PIK3C2G: variants seen among roughly 807,000 people sequenced by gnomAD.
PIK3C2G encodes phosphatidylinositol 3-kinase C2 domain-containing subunit gamma.
Under a neutral mutation model 181.1 loss-of-function variants are expected in PIK3C2G, and 168 were observed. The observed-to-expected ratio is 0.93, with a 90% CI of 0.82 to 1.05. The LOEUF (loss-of-function observed/expected upper bound fraction) is 1.05. Among genes scored for constraint, PIK3C2G ranks in the 50% least tolerant of loss-of-function variants. The pLI is 0.00. For synonymous variants in PIK3C2G, 573 were observed against 592.2 expected (o/e 0.97, Z 0.47); for missense variants, 1,869 against 1,732.8 (o/e 1.08, Z -1.40).
chr12:18,461,926 C>T (rs1565748712), intron 18 of PIK3C2G, among the ~76,000 whole-genome samples: 2 of 152,202 alleles, frequency 1.3e-5, no homozygotes, highest in Non-Finnish European at 2.9e-5. Context: ...CATTCCTTGG[C>T]TCATGTCCTT....
chr12:18,551,327 T>C (rs1478567036), intron 26 of PIK3C2G, among the ~76,000 whole-genome samples: 1 of 152,086 alleles, frequency 6.6e-6, no homozygotes, highest in African/African-American at 2.4e-5. Flanking sequence ...CCAAAAGGGT[T>C]ATTTCAGAAA....
chr12:18,258,905 A>C (rs1591763649), upstream of PIK3C2G, among the ~76,000 whole-genome samples: 1 of 152,126 alleles, frequency 6.6e-6, no homozygotes, highest in South Asian at 2.1e-4. Context: ...TTTCCCTCTT[A>C]AAGTGAATGA....
At chr12:18,480,598 G>C (rs550946967) in intron 18 of PIK3C2G, among the ~76,000 whole-genome samples, 1 of 152,244 alleles carries the variant, frequency 6.6e-6, no homozygotes, top group African/African-American at 2.4e-5. Context: ...TGGGGCAGAA[G>C]AAGCTTTCTG....
chr12:18,467,030 T>A (rs890145293), intron 18 of PIK3C2G, among the ~76,000 whole-genome samples: 3 of 152,062 alleles, frequency 2.0e-5, no homozygotes, highest in African/African-American at 7.2e-5. Flanking sequence ...TTTTATTGAG[T>A]TCACTTTTGG....
At chr12:18,632,285 T>C (rs1262381089) in intron 31 of PIK3C2G, among the ~76,000 whole-genome samples, 1 of 152,238 alleles carries the variant, frequency 6.6e-6, no homozygotes, top group Admixed American at 6.5e-5. Context: ...TATCAATGTT[T>C]ATTCAGCCTT....
chr12:18,395,084 C>CATTCTTTCTTTCTTTCTTTCTTTCT (rs1943785820), intron 15 of PIK3C2G, among the ~76,000 whole-genome samples: 1 of 141,482 alleles, frequency 7.1e-6, no homozygotes, highest in Non-Finnish European at 1.5e-5. Context: ...TCTTTCATTC[C>CATTCTTTCTTTCTTTCTTTCTTTCT]TTCTTTCTTT....
At chr12:18,404,251 G>A (rs978195301) in intron 16 of PIK3C2G, among the ~76,000 whole-genome samples, 1 of 152,070 alleles carries the variant, frequency 6.6e-6, no homozygotes, top group African/African-American at 2.4e-5. Context: ...GGCATAGGGA[G>A]GCAGTTAAAA....
At chr12:18,677,169 C>G in the PIK3C2G span, among the ~76,000 whole-genome samples, 1 of 152,058 alleles carries the variant, frequency 6.6e-6, no homozygotes, top group East Asian at 1.9e-4. Context: ...CTGTCATATT[C>G]CAACAGCAGA....
At chr12:18,501,556 G>T (rs1374185088) in intron 22 of PIK3C2G, among the ~76,000 whole-genome samples, 3 of 152,064 alleles carry the variant, frequency 2.0e-5, no homozygotes, top group African/African-American at 7.2e-5. Flanking sequence ...GAGAAATATT[G>T]CATTAAAGGA....
At chr12:18,456,595 G>A (rs1253987937) in intron 18 of PIK3C2G, among the ~76,000 whole-genome samples, 13 of 152,090 alleles carry the variant, frequency 8.5e-5, no homozygotes, top group Admixed American at 7.2e-4. Context: ...TCCCCTACCT[G>A]GCCAGCACTA....
intron 31 of PIK3C2G, among the ~76,000 whole-genome samples, chr12:18,632,887 T>C (rs666864): frequency 0.55 from 82,918 of 152,026 alleles, 24,084 homozygotes; most frequent in Admixed American, 0.64. Context: ...CTCACAGACA[T>C]ACCCTGTATT....
At chr12:18,342,052 A>C (rs540032005) in intron 9 of PIK3C2G, among the ~76,000 whole-genome samples, 5 of 152,304 alleles carry the variant, frequency 3.3e-5, no homozygotes, top group African/African-American at 1.2e-4. Flanking sequence ...ATGCTTACAT[A>C]ATAGGCGAAC....
chr12:18,719,922 C>T, the PIK3C2G span, among the ~76,000 whole-genome samples: 1 of 151,982 alleles, frequency 6.6e-6, no homozygotes, highest in Admixed American at 6.6e-5. Flanking sequence ...CAATGAACTT[C>T]GACAAGCTAC....
At chr12:18,572,367 A>G (rs1565521001) in intron 29 of PIK3C2G, among the ~76,000 whole-genome samples, 1 of 148,076 alleles carries the variant, frequency 6.8e-6, no homozygotes, top group Admixed American at 6.8e-5. Flanking sequence ...AGCGATATAT[A>G]TAAAGCTATA....
chr12:18,575,390 G>A (rs541072784), intron 29 of PIK3C2G, among the ~76,000 whole-genome samples: 6 of 152,244 alleles, frequency 3.9e-5, no homozygotes, highest in Admixed American at 3.3e-4. Context: ...TAGTATTTGA[G>A]AACCATCGTC....
intron 29 of PIK3C2G, among the ~76,000 whole-genome samples, chr12:18,578,745 G>A (rs189186588): frequency 6.6e-6 from 1 of 152,088 alleles, no homozygotes; most frequent in Admixed American, 6.5e-5. Context: ...TAGAATTTAT[G>A]TAGTCTATAT....
chr12:18,329,834 G>A (rs562493898), intron 8 of PIK3C2G, among the ~76,000 whole-genome samples: 1 of 152,122 alleles, frequency 6.6e-6, no homozygotes, highest in African/African-American at 2.4e-5. Context: ...CCAACTTATA[G>A]TACAGTCCAA....
intron 24 of PIK3C2G, among the ~76,000 whole-genome samples, chr12:18,519,013 G>C (rs1488977444): frequency 6.6e-6 from 1 of 152,186 alleles, no homozygotes; most frequent in East Asian, 1.9e-4. Flanking sequence ...TCAGGAGCTG[G>C]TTGTTCAATT....
At chr12:18,252,582 G>A (rs1291614952) in intron 1 of PIK3C2G, among the ~76,000 whole-genome samples, 1 of 152,172 alleles carries the variant, frequency 6.6e-6, no homozygotes, top group African/African-American at 2.4e-5. Context: ...CAATGAAGAA[G>A]TGGCTAGTCG....
Sources: allele counts gnomAD v4.1 joint callset (sites outside exome capture counted in the v4.1 genomes callset), GRCh38; gene constraint gnomAD v4.1.1; transcripts MANE v1.5; gene names NCBI Gene and HGNC (gene_info 2026-07-23, HGNC 2026-07-21).